The following DRICH1 variants were observed in gnomAD, a reference collection of about 807,000 sequenced individuals.
DRICH1 encodes the protein aspartate-rich protein 1.
Under a neutral mutation model 39.5 loss-of-function variants are expected in DRICH1, and 38 were observed. The ratio of observed to expected loss-of-function variants is 0.96; its 90% CI spans 0.74 to 1.26. The LOEUF is 1.26. Ranked by LOEUF, DRICH1 falls within the 50% of genes most tolerant of loss-of-function variation. DRICH1 has a pLI of 0.00. For synonymous variants in DRICH1, 84 were observed against 99.5 expected (o/e 0.84, Z 0.93); for missense variants, 279 against 270.4 (o/e 1.03, Z -0.22).
At chr22:23,589,200 C>CA in the DRICH1 span, among the ~76,000 whole-genome samples, 2 of 152,044 alleles carry the variant, frequency 1.3e-5, no homozygotes, top group Non-Finnish European at 2.9e-5. Flanking sequence ...CCTATAATCC[C>CA]AGCACTTTGG....
the DRICH1 span, among the ~76,000 whole-genome samples, chr22:23,591,334 A>G: frequency 6.6e-6 from 1 of 152,070 alleles, no homozygotes; most frequent in African/African-American, 2.4e-5. Context: ...TACACTCTCA[A>G]GGACTGCACT....
Position 23,608,778 on chromosome 22 carries a change from G to T in DRICH1, c.686-10C>A. 6.4e-7 allele frequency: 1 copy of T among 1,560,516 alleles called. No individual in the cohort carries two copies. The highest frequency in any genetic ancestry group is 1.2e-5 in the South Asian group (1 of 84,728). On this transcript the variant is annotated splice_polypyrimidine_tract_variant and intron_variant, in intron 11 of 11. Coordinates refer to ENST00000317749, the MANE Select transcript of DRICH1 (RefSeq NM_016449.4). ...ACAGAAGGGCTTCACCCTGGATGAA[G>T]AGATAATCCCTTTTTAGTGAGAGCA...
Position 23,614,192 on chromosome 22 carries a change from A to C in DRICH1, c.564T>G (p.Phe188Leu). The change falls in exon 9 of 12, where the codon TTT (phenylalanine) becomes TTG (leucine). Residue 188 changes from phenylalanine (F) to leucine (L), a missense_variant. Coordinates refer to ENST00000317749, the MANE Select transcript of DRICH1 (RefSeq NM_016449.4). ...PVQACSEDSL[F>L]LRCSLRHKDE... Reference sequence around the variant, plus strand: ...CTTTGTGTCTCAGTGAGCATCTTAAAAACAGGCTATCTTCAGAACAAGCTG... The same window carrying C: ...CTTTGTGTCTCAGTGAGCATCTTAACAACAGGCTATCTTCAGAACAAGCTG... The C allele has an allele frequency of 6.2e-7, 1 of 1,613,902 alleles. No individual in the cohort carries two copies. Among genetic ancestry groups the C allele is most frequent in the South Asian group, 1.1e-5 (1 of 91,070 alleles).
At chr22:23,588,022 G>A in the DRICH1 span, among the ~76,000 whole-genome samples, 1 of 152,158 alleles carries the variant, frequency 6.6e-6, no homozygotes, top group Non-Finnish European at 1.5e-5. Flanking sequence ...ACTTGCCCAT[G>A]CTATATTCGC....
the DRICH1 span, among the ~76,000 whole-genome samples, chr22:23,584,573 C>A: frequency 1.3e-5 from 2 of 152,176 alleles, no homozygotes; most frequent in African/African-American, 4.8e-5. Flanking sequence ...TTGGCAGCTT[C>A]AAAATATTCT....
chr22:23,597,330 A>G, the DRICH1 span, among the ~76,000 whole-genome samples: 1 of 148,704 alleles, frequency 6.7e-6, no homozygotes, highest in East Asian at 2.0e-4. Context: ...AGTCTCTACA[A>G]CACAACACAA....
chr22:23,599,162 T>C, the DRICH1 span, among the ~76,000 whole-genome samples: 1 of 152,198 alleles, frequency 6.6e-6, no homozygotes, highest in Non-Finnish European at 1.5e-5. Flanking sequence ...GTTGCAGATC[T>C]GGCCAGATCT....
intron 8 of DRICH1, among the ~76,000 whole-genome samples, chr22:23,615,485 C>T (rs1001150021): frequency 1.3e-5 from 2 of 152,116 alleles, no homozygotes; most frequent in Non-Finnish European, 2.9e-5. Flanking sequence ...TATCAGCTGT[C>T]AACATGAAGA....
chr22:23,617,695 T>A (rs759821203), intron 6 of DRICH1, 38 bp from the exon 7 acceptor site: 21 of 1,603,452 alleles, frequency 1.3e-5, no homozygotes, highest in Non-Finnish European at 1.5e-5. Flanking sequence ...GCCCTGGTTG[T>A]TTGTGACTGT....
At position 23,632,058 on chromosome 22, in the gene DRICH1, C is replaced by T; in HGVS notation, c.-35G>A. The T allele has an allele frequency of 6.2e-7, 1 of 1,611,266 alleles. No homozygotes were observed. The highest frequency in any genetic ancestry group is 8.5e-7 in the Non-Finnish European group (1 of 1,179,262). ...CCATGCCTCTCCACTCCTGCCTCAG[C>T]CTTCAGCGAAATTGTAACTGTGCTG... On this transcript the variant is annotated 5_prime_UTR_variant, in exon 1 of 12. Coordinates refer to ENST00000317749, the MANE Select transcript of DRICH1 (RefSeq NM_016449.4).
intron 3 of DRICH1, among the ~76,000 whole-genome samples, chr22:23,622,833 C>T (rs13055561): frequency 0.26 from 38,892 of 151,964 alleles, 5,077 homozygotes; most frequent in East Asian, 0.34. Context: ...CAGGAGATTC[C>T]GTAAAGATCA....
chr22:23,582,463 T>G, the DRICH1 span, among the ~76,000 whole-genome samples: 3 of 151,940 alleles, frequency 2.0e-5, no homozygotes, highest in Non-Finnish European at 4.4e-5. Flanking sequence ...TTGGGTACTC[T>G]GGATACCTCC....
chr22:23,607,493 A>C (rs529876996), downstream of DRICH1, among the ~76,000 whole-genome samples: 6 of 148,820 alleles, frequency 4.0e-5, no homozygotes, highest in Non-Finnish European at 8.9e-5. Flanking sequence ...ACCGACCCCC[A>C]GAGTCCCTGC....
chr22:23,599,529 G>A, the DRICH1 span, among the ~76,000 whole-genome samples: 4 of 152,226 alleles, frequency 2.6e-5, no homozygotes, highest in Non-Finnish European at 5.9e-5. Flanking sequence ...GGTGAGCAGG[G>A]TGGCAGGGCA....
At chr22:23,629,971 A>G (rs147026821) in intron 1 of DRICH1, among the ~76,000 whole-genome samples, 3 of 152,254 alleles carry the variant, frequency 2.0e-5, no homozygotes, top group Non-Finnish European at 4.4e-5. Flanking sequence ...ATACAATGCA[A>G]TATCTTCCTG....
At chr22:23,618,559 G>A (rs1277770222) in intron 6 of DRICH1, among the ~76,000 whole-genome samples, 1 of 152,166 alleles carries the variant, frequency 6.6e-6, no homozygotes, top group East Asian at 1.9e-4. Flanking sequence ...TGTGATCAAG[G>A]GCTTCAGCAG....
the DRICH1 span, among the ~76,000 whole-genome samples, chr22:23,595,643 T>G: frequency 6.6e-6 from 1 of 152,256 alleles, no homozygotes; most frequent in Non-Finnish European, 1.5e-5. Context: ...ATTTTCCATG[T>G]GCAGATGGTG....
the DRICH1 span, among the ~76,000 whole-genome samples, chr22:23,582,806 C>T: frequency 4.6e-5 from 7 of 152,062 alleles, no homozygotes; most frequent in Non-Finnish European, 4.4e-5. Flanking sequence ...GGCGATCAGC[C>T]CACCTCAGCC....
At position 23,632,265 on chromosome 22, in the gene DRICH1, A is replaced by G; in HGVS notation, c.-242T>C. 1 of 585,530 alleles carries G rather than the reference A, an allele frequency of 1.7e-6. No individual in the cohort carries two copies. Among genetic ancestry groups the G allele is most frequent in the South Asian group, 2.1e-5 (1 of 46,694 alleles). The allele number at this position is 585,530 out of a possible 1,614,324, so 36.3% of individuals were successfully genotyped here. On this transcript the variant is annotated 5_prime_UTR_variant, in exon 1 of 12. Transcript: ENST00000317749. ...ATGACAAGCACCCAAAGGTGCAAAA[A>G]CTGCCATCAAAGAGCACAGTTGGAG... is the stretch of plus-strand genomic sequence containing the variant.
Sources: allele counts gnomAD v4.1 joint callset (sites outside exome capture counted in the v4.1 genomes callset), GRCh38; gene constraint gnomAD v4.1.1; transcripts MANE v1.5; gene names NCBI Gene and HGNC (gene_info 2026-07-23, HGNC 2026-07-21).